The following UNC13C variants were observed in gnomAD, a reference collection of about 807,000 sequenced individuals.
The protein encoded by UNC13C is protein unc-13 homolog C.
UNC13C carries 174 observed loss-of-function variants against 245.4 expected under a neutral mutation model. The ratio of observed to expected loss-of-function variants is 0.71; its 90% CI spans 0.63 to 0.80. The LOEUF (loss-of-function observed/expected upper bound fraction) is 0.80. Ranked by LOEUF, UNC13C falls within the 30% of genes least tolerant of loss-of-function variation. UNC13C has a pLI of 0.00. For synonymous variants in UNC13C, 992 were observed against 895.1 expected (o/e 1.11, Z -1.93); for missense variants, 2,829 against 2,602.9 (o/e 1.09, Z -1.89).
intron 4 of UNC13C, among the ~76,000 whole-genome samples, chr15:54,194,872 C>T (rs926983198): frequency 1.3e-5 from 2 of 152,086 alleles, no homozygotes; most frequent in African/African-American, 4.8e-5. Context: ...AAACACTAAA[C>T]ATGTTTTTGT....
intron 4 of UNC13C, among the ~76,000 whole-genome samples, chr15:54,212,766 C>T (rs1427586409): frequency 1.3e-5 from 2 of 152,046 alleles, no homozygotes; most frequent in Non-Finnish European, 2.9e-5. Context: ...TTAAACTAAA[C>T]ATAGATGGAT....
chr15:54,266,871 C>T (rs28445081), intron 10 of UNC13C, among the ~76,000 whole-genome samples: 7,209 of 152,006 alleles, frequency 0.047, 534 homozygotes, highest in African/African-American at 0.16. Context: ...TTTCATTTTG[C>T]ATTTTCTAGA....
intron 2 of UNC13C, among the ~76,000 whole-genome samples, chr15:54,018,331 A>G (rs1485329043): frequency 6.6e-6 from 1 of 152,228 alleles, no homozygotes; most frequent in Non-Finnish European, 1.5e-5. Flanking sequence ...ATTGGAGTGC[A>G]GAGCTCTTGC....
In UNC13C at chr15:54,120,174, G is replaced by C. The variant is rs543585721; in HGVS notation, c.2984-22844G>C. The stretch of plus-strand genomic sequence containing the variant: ...AAACGACACCAGGACTTTTAAAGCT[G>C]GAGAACAGAAGTCAGTGCCTGGCTT... On this transcript the variant is annotated intron_variant, in intron 2 of 32. Transcript: ENST00000260323. 7.2e-5 allele frequency among the ~76,000 whole-genome samples: 11 copies of C among 152,236 alleles called. No individual in the cohort carries two copies. In the South Asian group the frequency reaches 2.3e-3, roughly 32 times the overall value.
intron 18 of UNC13C, among the ~76,000 whole-genome samples, chr15:54,393,758 C>T (rs1429171673): frequency 6.6e-6 from 1 of 151,824 alleles, no homozygotes; most frequent in Non-Finnish European, 1.5e-5. Flanking sequence ...CAAAATACAA[C>T]TAGCTGTGTG....
rs1406145884 is a variant in UNC13C, at chr15:54,013,806, A to G, written c.903A>G (p.Glu301=). The change falls in exon 2 of 33, where the codon GAA becomes GAG. Residue 301 remains glutamate, a synonymous_variant. Transcript: ENST00000260323. ...LRTGFVQSRR[E]TRDIHDYIKH... ...CAGGGTTTGTCCAGTCTCGGAGGGA[A>G]ACTAGAGACATCCATGATTATATTA... The G allele has an allele frequency of 6.8e-6, 11 of 1,611,886 alleles. No homozygotes were observed. Among genetic ancestry groups the G allele is most frequent in the Non-Finnish European group, 9.3e-6 (11 of 1,179,206 alleles).
chr15:53,882,454 A>G, the UNC13C span, among the ~76,000 whole-genome samples: 2 of 152,134 alleles, frequency 1.3e-5, no homozygotes, highest in Non-Finnish European at 2.9e-5. Flanking sequence ...TTGAGTTTGT[A>G]TATATTTGTA....
At chr15:54,246,275 T>G (rs1300738699) in intron 7 of UNC13C, among the ~76,000 whole-genome samples, 2 of 152,186 alleles carry the variant, frequency 1.3e-5, no homozygotes, top group Non-Finnish European at 2.9e-5. Context: ...CAGTGTAGTC[T>G]ATATGTTGTG....
At chr15:54,560,699 A>G (rs1398231448) in intron 29 of UNC13C, among the ~76,000 whole-genome samples, 1 of 151,946 alleles carries the variant, frequency 6.6e-6, no homozygotes, top group South Asian at 2.1e-4. Context: ...TAAATAAAAT[A>G]CTGGAAACTA....
chr15:54,525,682 T>A (rs1009460119), intron 25 of UNC13C, 45 bp downstream of exon 25: 38 of 1,484,008 alleles, frequency 2.6e-5, no homozygotes, highest in Non-Finnish European at 3.5e-5. Flanking sequence ...TAATTAGGTG[T>A]CAGTTCATGA....
intron 17 of UNC13C, among the ~76,000 whole-genome samples, chr15:54,343,958 T>C (rs2038799287): frequency 6.6e-6 from 1 of 152,158 alleles, no homozygotes; most frequent in Non-Finnish European, 1.5e-5. Context: ...GGTGATCAAA[T>C]ATCACCAGAA....
downstream of UNC13C, chr15:54,631,583 T>C (rs1181209751): frequency 6.6e-6 from 1 of 152,202 alleles, no homozygotes; most frequent in Non-Finnish European, 1.5e-5. Context: ...CAGAATGTCA[T>C]ATAAACGGAA....
At chr15:54,295,129 C>T (rs960897177) in intron 11 of UNC13C, among the ~76,000 whole-genome samples, 2 of 152,002 alleles carry the variant, frequency 1.3e-5, no homozygotes, top group African/African-American at 2.4e-5. Flanking sequence ...AGCCACCCCC[C>T]AAAGCTTGTT....
chr15:54,403,718 A>G (rs1182834893), intron 18 of UNC13C, among the ~76,000 whole-genome samples: 1 of 149,114 alleles, frequency 6.7e-6, no homozygotes, highest in African/African-American at 2.5e-5. Flanking sequence ...CCTGTCTCAA[A>G]AAAAAAAAAA....
At chr15:54,582,615 A>G (rs1596612352) in intron 30 of UNC13C, among the ~76,000 whole-genome samples, 1 of 152,098 alleles carries the variant, frequency 6.6e-6, no homozygotes, top group Non-Finnish European at 1.5e-5. Context: ...ATATTTAAAC[A>G]TTTTTGCTGG....
intron 1 of UNC13C, among the ~76,000 whole-genome samples, chr15:53,980,530 A>G (rs1566929110): frequency 1.3e-5 from 2 of 152,252 alleles, no homozygotes; most frequent in Non-Finnish European, 1.5e-5. Context: ...ATCTAAAAGA[A>G]TATTTGAAAC....
At position 54,293,953 on chromosome 15, in the gene UNC13C, A is replaced by G; in HGVS notation, c.3877A>G (p.Ile1293Val). 1 of 1,591,426 alleles carries G rather than the reference A, an allele frequency of 6.3e-7. No homozygotes were observed. The highest frequency in any genetic ancestry group is 8.5e-7 in the Non-Finnish European group (1 of 1,170,322). ...CAGAGTATGGGATGAAGATGATGATATTAAATCCAGAGTCAAGCAACATTT... is the reference window on the plus strand; with the variant it reads ...CAGAGTATGGGATGAAGATGATGATGTTAAATCCAGAGTCAAGCAACATTT... ...KVRVWDEDDD[I>V]KSRVKQHFKK... Residue 1293 changes from isoleucine to valine, a missense_variant, in exon 11 of 33, where the codon ATT (isoleucine) becomes GTT (valine). Transcript: ENST00000260323.
chr15:54,584,459 C>T (rs1412754912), intron 30 of UNC13C, among the ~76,000 whole-genome samples: 1 of 152,196 alleles, frequency 6.6e-6, no homozygotes, highest in African/African-American at 2.4e-5. Context: ...TGACCATAAC[C>T]TCCAGTGCAG....
At chr15:54,062,406 C>G (rs1018046112) in intron 2 of UNC13C, among the ~76,000 whole-genome samples, 1 of 152,036 alleles carries the variant, frequency 6.6e-6, no homozygotes, top group African/African-American at 2.4e-5. Context: ...AGGATGATCC[C>G]AGCACCACAT....
Sources: allele counts gnomAD v4.1 joint callset (sites outside exome capture counted in the v4.1 genomes callset), GRCh38; gene constraint gnomAD v4.1.1; transcripts MANE v1.5; gene names NCBI Gene and HGNC (gene_info 2026-07-23, HGNC 2026-07-21).